SLC13A3: variants seen among roughly 807,000 people sequenced by gnomAD.
The protein encoded by SLC13A3 is solute carrier family 13 member 3.
SLC13A3 carries 40 observed loss-of-function variants against 59.0 expected under a neutral mutation model. The observed-to-expected ratio is 0.68, with a 90% CI of 0.53 to 0.88. SLC13A3 has a LOEUF of 0.88. SLC13A3 is among the 40% of genes least tolerant of loss of function. The pLI is 0.00. For missense variants in SLC13A3, 699 were observed against 783.2 expected, an observed-to-expected ratio of 0.89 and a Z score of 1.28; for synonymous variants, 317 against 330.3, an observed-to-expected ratio of 0.96 and a Z score of 0.44.
upstream of SLC13A3, chr20:46,673,852 A>G (rs577762620): frequency 2.0e-4 from 30 of 152,354 alleles, no homozygotes; most frequent in Admixed American, 1.6e-3. Flanking sequence ...ACTGTTAGGA[A>G]TATCAGTCAA....
At chr20:46,657,811 C>T (rs1162017318) in intron 1 of SLC13A3, among the ~76,000 whole-genome samples, 1 of 152,080 alleles carries the variant, frequency 6.6e-6, no homozygotes, top group Non-Finnish European at 1.5e-5. Flanking sequence ...GGTCACATGT[C>T]CAGAGCAGGA....
At chr20:46,616,837 C>T (rs1224986110) in intron 1 of SLC13A3, among the ~76,000 whole-genome samples, 1 of 152,160 alleles carries the variant, frequency 6.6e-6, no homozygotes, top group Non-Finnish European at 1.5e-5. Context: ...AGGCTGGGAA[C>T]CTGAATATCA....
intron 3 of SLC13A3, among the ~76,000 whole-genome samples, chr20:46,605,804 G>A (rs1269682070): frequency 1.3e-5 from 2 of 152,132 alleles, no homozygotes; most frequent in Non-Finnish European, 2.9e-5. Context: ...TGACTAAGAT[G>A]TTCTTAAAAT....
chr20:46,657,563 T>C (rs528630569), intron 1 of SLC13A3, among the ~76,000 whole-genome samples: 1 of 152,260 alleles, frequency 6.6e-6, no homozygotes, highest in Admixed American at 6.5e-5. Context: ...AAGACGAAAG[T>C]AGAAGTCCAG....
intron 1 of SLC13A3, among the ~76,000 whole-genome samples, chr20:46,657,743 T>G (rs1239356716): frequency 6.6e-6 from 1 of 152,188 alleles, no homozygotes; most frequent in Non-Finnish European, 1.5e-5. Context: ...TCTGCTCAGC[T>G]TCTGGGGAGG....
intron 1 of SLC13A3, among the ~76,000 whole-genome samples, chr20:46,656,792 G>A (rs954760005): frequency 2.0e-5 from 3 of 152,016 alleles, no homozygotes; most frequent in East Asian, 3.9e-4. Context: ...TGTCCCTGCA[G>A]CTCTATTTAC....
intron 9 of SLC13A3, among the ~76,000 whole-genome samples, chr20:46,577,028 CCGCAGG>C (rs1405074137): frequency 4.8e-5 from 7 of 146,960 alleles, no homozygotes; most frequent in African/African-American, 1.3e-4. Context: ...TGTATGCAGC[CCGCAGG>C]TGTATGAAGC....
intron 4 of SLC13A3, among the ~76,000 whole-genome samples, chr20:46,597,109 A>T (rs1311533985): frequency 6.6e-6 from 1 of 152,200 alleles, no homozygotes; most frequent in East Asian, 1.9e-4. Flanking sequence ...TTTCATGAAT[A>T]TAAGAATATT....
intron 1 of SLC13A3, among the ~76,000 whole-genome samples, chr20:46,679,008 T>C (rs1395907392): frequency 2.6e-5 from 4 of 152,124 alleles, no homozygotes; most frequent in Admixed American, 2.6e-4. Context: ...CCCTTTGCCT[T>C]CCACCATGAT....
chr20:46,607,829 G>A (rs1167135841), intron 3 of SLC13A3, among the ~76,000 whole-genome samples: 5 of 152,300 alleles, frequency 3.3e-5, no homozygotes, highest in Admixed American at 2.0e-4. Flanking sequence ...ACTGCGTAAC[G>A]GGGGGTGGGA....
chr20:46,642,273 G>A (rs1456215654), intron 1 of SLC13A3, among the ~76,000 whole-genome samples: 1 of 152,220 alleles, frequency 6.6e-6, no homozygotes, highest in Admixed American at 6.5e-5. Flanking sequence ...GCAGGAGCTG[G>A]ATGACACAGG....
intron 1 of SLC13A3, among the ~76,000 whole-genome samples, chr20:46,631,074 A>C (rs1385920638): frequency 1.3e-5 from 2 of 152,240 alleles, no homozygotes; most frequent in Non-Finnish European, 2.9e-5. Context: ...CTTCAAAAAT[A>C]CTGTACTTAA....
chr20:46,609,090 T>G, intron 3 of SLC13A3: 3 of 1,546,290 alleles, frequency 1.9e-6, no homozygotes, highest in South Asian at 2.4e-5. Flanking sequence ...AATGCCGGGG[T>G]TAAACTAGCC....
intron 9 of SLC13A3, chr20:46,582,665 A>G: frequency 5.1e-6 from 5 of 984,978 alleles, no homozygotes; most frequent in Non-Finnish European, 6.0e-6. Context: ...TCATCTTCCT[A>G]CAGGACACAT....
At chr20:46,572,870 G>A (rs1013234321) in intron 10 of SLC13A3, among the ~76,000 whole-genome samples, 8 of 152,204 alleles carry the variant, frequency 5.3e-5, no homozygotes, top group South Asian at 2.1e-4. Context: ...AGATGGTCTG[G>A]TTCCATCGTA....
Position 46,592,583 on chromosome 20 carries a change from G to A in SLC13A3, c.795-54C>T, listed in dbSNP as rs2062271042. On this transcript the variant is annotated intron_variant, in intron 5 of 12. Transcript: ENST00000279027. Reference sequence around the variant, plus strand: ...CCAAGGGCAGCCATGCCCATTTTGGGAGTGGGAGAGGGGACCAGGCAGTAC... The same window carrying A: ...CCAAGGGCAGCCATGCCCATTTTGGAAGTGGGAGAGGGGACCAGGCAGTAC... 3.1e-6 allele frequency: 5 copies of A among 1,602,580 alleles called. No individual in the cohort carries two copies. In the East Asian group the frequency reaches 1.1e-4, roughly 36 times the overall value.
At chr20:46,608,789 G>T (rs1346406078) in intron 3 of SLC13A3, 10 of 1,378,730 alleles carry the variant, frequency 7.3e-6, no homozygotes, top group Non-Finnish European at 9.6e-6. Context: ...TGGTTTCATG[G>T]ATAATGCTTG....
At chr20:46,612,124 C>CTTTTTTTTTTTTTTTTT (rs57019153) in intron 2 of SLC13A3, among the ~76,000 whole-genome samples, 8 of 68,934 alleles carry the variant, frequency 1.2e-4, no homozygotes, top group South Asian at 5.5e-4. Context: ...TCTCTCTTTG[C>CTTTTTTTTTTTTTTTTT]TTTTTTTTTT....
chr20:46,679,613 C>CA (rs370410835), intron 1 of SLC13A3, among the ~76,000 whole-genome samples: 122 of 122,584 alleles, frequency 1.0e-3, no homozygotes, highest in Middle Eastern at 5.4e-3. Context: ...GACTCCGTCT[C>CA]AAAAAAAAAA....
Sources: allele counts gnomAD v4.1 joint callset (sites outside exome capture counted in the v4.1 genomes callset), GRCh38; gene constraint gnomAD v4.1.1; transcripts MANE v1.5; gene names NCBI Gene and HGNC (gene_info 2026-07-23, HGNC 2026-07-21).